KLF3: variants seen among roughly 807,000 people sequenced by gnomAD.
The protein encoded by KLF3 is Krueppel-like factor 3.
In KLF3, 6 loss-of-function variants were observed where a neutral mutation model predicts 32.7. The ratio of observed to expected loss-of-function variants is 0.18; its 90% CI spans 0.10 to 0.36. The LOEUF is 0.36. KLF3 is among the 10% of genes least tolerant of loss of function. The pLI is 1.00. For synonymous variants in KLF3, 145 were observed against 172.8 expected, an observed-to-expected ratio of 0.84 and a Z score of 1.26; for missense variants, 338 against 449.7, an observed-to-expected ratio of 0.75 and a Z score of 2.25.
intron 1 of KLF3, among the ~76,000 whole-genome samples, chr4:38,668,071 T>G (rs2109235571): frequency 6.6e-6 from 1 of 152,364 alleles, no homozygotes; most frequent in Non-Finnish European, 1.5e-5. Context: ...AACAAATTCA[T>G]TTAATGCTAG....
chr4:38,672,986 A>G (rs1356590123), intron 1 of KLF3, among the ~76,000 whole-genome samples: 1 of 152,026 alleles, frequency 6.6e-6, no homozygotes. Flanking sequence ...AGGAACAAGG[A>G]GGGGTAGGGT....
In KLF3 at chr4:38,664,412, A is replaced by G. The variant is rs926487900; in HGVS notation, c.-89A>G. ...GCTCGGGGGGCTCCAGGCAGCCCGT[A>G]TCGGGGCCTTTATTTCTCGTCGGCG... On this transcript the variant is annotated 5_prime_UTR_variant, in exon 1 of 6. Transcript: ENST00000261438. 1.3e-5 allele frequency: 2 copies of G among 152,034 alleles called. No individual in the cohort carries two copies. Among genetic ancestry groups the G allele is most frequent in the African/African-American group, 4.8e-5 (2 of 41,410 alleles). 9.4% of individuals were successfully genotyped at this position (152,034 alleles called of 1,614,324 possible).
rs1293271807 is a variant in KLF3, at chr4:38,698,745, G to T, written c.*1482G>T. 1 of 152,140 alleles carries T rather than the reference G, an allele frequency of 6.6e-6. No homozygotes were observed. Among genetic ancestry groups the T allele is most frequent in the African/African-American group, 2.4e-5 (1 of 41,420 alleles). The allele number at this position is 152,140 out of a possible 1,614,324, so 9.4% of individuals were successfully genotyped here. On this transcript the variant is annotated 3_prime_UTR_variant, in exon 6 of 6. Coordinates refer to ENST00000261438, the MANE Select transcript of KLF3 (RefSeq NM_016531.6). ...CAAAAGCAGGCTTTTGAGCACCATA[G>T]TCTAAATGCCAATAAAAATAATTCA...
chr4:38,673,017 G>A (rs533072463), intron 1 of KLF3, among the ~76,000 whole-genome samples: 2 of 152,298 alleles, frequency 1.3e-5, no homozygotes, highest in Admixed American at 1.3e-4. Context: ...CACGTTGATA[G>A]CAGTGGTTCA....
chr4:38,687,969 G>A (rs1444461875), intron 2 of KLF3, among the ~76,000 whole-genome samples: 1 of 152,136 alleles, frequency 6.6e-6, no homozygotes, highest in Non-Finnish European at 1.5e-5. Flanking sequence ...CCAGTCCTAG[G>A]CATGGATTGT....
intron 1 of KLF3, among the ~76,000 whole-genome samples, chr4:38,679,355 T>G (rs1722448206): frequency 6.6e-6 from 1 of 152,254 alleles, no homozygotes; most frequent in Non-Finnish European, 1.5e-5. Context: ...ATCTTGAGAC[T>G]TAACAAGTTG....
At position 38,688,613 on chromosome 4, in the gene KLF3, T is replaced by G; in HGVS notation, c.86T>G (p.Met29Arg). Residue 29 changes from methionine (M) to arginine (R), a missense_variant, in exon 3 of 6, where the codon ATG becomes AGG. Met to Arg is a moderately conservative substitution (Grantham distance 91). Coordinates refer to ENST00000261438, the MANE Select transcript of KLF3 (RefSeq NM_016531.6). The surrounding 1 kb of genome is among the most constrained non-coding windows in gnomAD (Gnocchi z 4.9). Reference protein sequence around the residue: ...VSYPSNYMESMKPNKYGVIYS... With the variant: ...VSYPSNYMESRKPNKYGVIYS... ...TACCCATCTAATTACATGGAATCCA[T>G]GAAGCCTAACAAGTATGGGGTCATC... 1 of 1,609,204 alleles carries G rather than the reference T, an allele frequency of 6.2e-7. No homozygotes were observed. Among genetic ancestry groups the G allele is most frequent in the South Asian group, 1.1e-5 (1 of 91,012 alleles).
At chr4:38,691,776 T>A (rs1176385929) in intron 4 of KLF3, among the ~76,000 whole-genome samples, 2 of 152,222 alleles carry the variant, frequency 1.3e-5, no homozygotes, top group Non-Finnish European at 1.5e-5. Flanking sequence ...ATGTACTCTT[T>A]AAGTAATGTT....
At chr4:38,665,229 C>G (rs570611538) in intron 1 of KLF3, among the ~76,000 whole-genome samples, 2 of 152,170 alleles carry the variant, frequency 1.3e-5, no homozygotes, top group East Asian at 3.9e-4. Context: ...GAGAACCTGC[C>G]GCAGTGCCTG....
intron 2 of KLF3, among the ~76,000 whole-genome samples, chr4:38,681,764 C>T (rs1041216604): frequency 3.3e-5 from 5 of 152,154 alleles, no homozygotes; most frequent in Non-Finnish European, 7.3e-5. Flanking sequence ...AAACTTGGCC[C>T]GAGGTGTGTA....
In KLF3 at chr4:38,696,368, TA is replaced by T. The variant is rs200530555; in HGVS notation, c.857-710del. 9.7e-4 allele frequency among the ~76,000 whole-genome samples: 147 copies of T among 152,264 alleles called. 3 individuals are homozygous for T. The East Asian group carries it at 0.024, about 25-fold the overall frequency. On this transcript the variant is annotated intron_variant, in intron 5 of 5. Transcript: ENST00000261438. ...ATACTCATGACCCTTATGACTAATTTAAAAGGTAAGATTGCCATAACAGCCT... is the reference window on the plus strand; with the variant it reads ...ATACTCATGACCCTTATGACTAATTTAAAGGTAAGATTGCCATAACAGCCT...
chr4:38,670,499 C>T (rs752299041), intron 1 of KLF3, among the ~76,000 whole-genome samples: 18 of 152,222 alleles, frequency 1.2e-4, no homozygotes, highest in Non-Finnish European at 1.8e-4. Context: ...GGCCTATATG[C>T]TGTTCTTTCT....
intron 1 of KLF3, among the ~76,000 whole-genome samples, chr4:38,666,875 T>G (rs775503411): frequency 6.6e-6 from 1 of 151,586 alleles, no homozygotes; most frequent in Non-Finnish European, 1.5e-5. Flanking sequence ...GTGCTCTATC[T>G]TTTTTCCTCT....
chr4:38,688,643 C>G lies in KLF3; in HGVS notation c.116C>G (p.Ser39Cys). The G allele has an allele frequency of 1.2e-6, 2 of 1,614,114 alleles. No homozygotes were observed. The highest frequency in any genetic ancestry group is 1.7e-6 in the Non-Finnish European group (2 of 1,179,966). ...MKPNKYGVIY[S>C]TPLPEKFFQT... ...CCTAACAAGTATGGGGTCATCTACT[C>G]CACACCATTGCCTGAGAAGTTCTTT... The change falls in exon 3 of 6, where the codon TCC becomes TGC. Residue 39 changes from serine to cysteine, a missense_variant. Around this residue, in one of 2 missense-constraint regions of KLF3, gnomAD observed 272 missense variants for 313.4 expected, o/e 0.87. Coordinates refer to ENST00000261438, the MANE Select transcript of KLF3 (RefSeq NM_016531.6). This position sits in a 1 kb window ranked among gnomAD's most constrained non-coding sequence, Gnocchi z 4.9.
At chr4:38,677,197 G>A (rs337613) in intron 1 of KLF3, among the ~76,000 whole-genome samples, 125,148 of 151,916 alleles carry the variant, frequency 0.82, 52,414 homozygotes, top group African/African-American at 0.96. Flanking sequence ...CCTATCCTCA[G>A]TGATCCACCC....
chr4:38,700,037 T>C lies in KLF3; in HGVS notation c.*2774T>C, dbSNP rs1380196561. ...TTACTATTACGTAAATTCTGTTTGT[T>C]ATAGAGTTTCTTCAGTTGTTACCCA... On this transcript the variant is annotated 3_prime_UTR_variant, in exon 6 of 6. Transcript: ENST00000261438. The C allele has an allele frequency of 6.6e-6, 1 of 152,248 alleles. No individual in the cohort carries two copies. The highest frequency in any genetic ancestry group is 2.4e-5 in the African/African-American group (1 of 41,470). 9.4% of individuals were successfully genotyped at this position (152,248 alleles called of 1,614,324 possible). A position where few individuals can be genotyped will look rare whatever the true frequency, so the allele number is the denominator to read the frequency against.
chr4:38,693,065 T>TGTATATATATACATATATATATACAC (rs1722921062), intron 4 of KLF3, among the ~76,000 whole-genome samples: 1 of 146,508 alleles, frequency 6.8e-6, no homozygotes, highest in Admixed American at 6.9e-5. Context: ...TATATATATA[T>TGTATATATATACATATATATATACAC]GTATATATAT....
chr4:38,678,316 C>A (rs1722412342), intron 1 of KLF3, among the ~76,000 whole-genome samples: 1 of 152,196 alleles, frequency 6.6e-6, no homozygotes, highest in African/African-American at 2.4e-5. Flanking sequence ...TTCATCCGTA[C>A]AGCTGCTAGT....
chr4:38,682,347 C>T (rs1464449063), intron 2 of KLF3, among the ~76,000 whole-genome samples: 5 of 152,232 alleles, frequency 3.3e-5, no homozygotes, highest in African/African-American at 1.2e-4. Flanking sequence ...GCATGAGCCA[C>T]CGCTCCTGGC....
Sources: allele counts gnomAD v4.1 joint callset (sites outside exome capture counted in the v4.1 genomes callset), GRCh38; gene constraint gnomAD v4.1.1; regional missense constraint gnomAD v4.1.1; non-coding constraint Gnocchi (gnomAD v3.1); transcripts MANE v1.5; gene names NCBI Gene and HGNC (gene_info 2026-07-23, HGNC 2026-07-21).